Variants in HIP1 observed in about 807,000 individuals in gnomAD.
The protein encoded by HIP1 is huntingtin interacting protein 1, also known as huntingtin-interacting protein 1.
Under a neutral mutation model 147.6 loss-of-function variants are expected in HIP1, and 65 were observed. That is an observed-to-expected ratio of 0.44 (90% confidence interval 0.36 to 0.54). The LOEUF (loss-of-function observed/expected upper bound fraction) is 0.54, where lower values mean the gene tolerates loss of function less well. Among genes scored for constraint, HIP1 ranks in the 20% least tolerant of loss-of-function variants. The probability of loss-of-function intolerance (pLI) is 0.00; values close to 1 mark genes in which losing one functional copy is unlikely to be tolerated. For synonymous variants in HIP1, 479 were observed against 504.0 expected, an observed-to-expected ratio of 0.95 and a Z score of 0.67; for missense variants, 1,061 against 1,299.6, an observed-to-expected ratio of 0.82 and a Z score of 2.82.
chr7:75,730,585 C>T (rs572192243), intron 1 of HIP1, among the ~76,000 whole-genome samples: 3 of 151,972 alleles, frequency 2.0e-5, no homozygotes, highest in South Asian at 2.1e-4. Flanking sequence ...GTGATCCACC[C>T]GCCTCGGCCT....
At chr7:75,585,955 C>T (rs1210584800) in intron 5 of HIP1, among the ~76,000 whole-genome samples, 2 of 152,104 alleles carry the variant, frequency 1.3e-5, no homozygotes, top group African/African-American at 2.4e-5. Flanking sequence ...GCTGGGACTA[C>T]AGTTGCACAC....
In HIP1 at chr7:75,545,191, A is replaced by G. The variant is rs1554490774; in HGVS notation, c.2560-3T>C. Reference sequence around the variant, plus strand: ...AACTCTTTAGGGGATGCTGTACCCTAGGGAAATAAAAAATAGTAATAGCCA... The same window carrying G: ...AACTCTTTAGGGGATGCTGTACCCTGGGGAAATAAAAAATAGTAATAGCCA... On this transcript the variant is annotated splice_region_variant and splice_polypyrimidine_tract_variant and intron_variant, in intron 25 of 30. Coordinates refer to ENST00000336926, the MANE Select transcript of HIP1 (RefSeq NM_005338.7). 1.3e-6 allele frequency: 2 copies of G among 1,587,714 alleles called. No homozygotes were observed. The highest frequency in any genetic ancestry group is 4.5e-5 in the East Asian group (2 of 44,760).
intron 1 of HIP1, among the ~76,000 whole-genome samples, chr7:75,679,189 C>T (rs1355553916): frequency 6.6e-6 from 1 of 152,142 alleles, no homozygotes; most frequent in Non-Finnish European, 1.5e-5. Flanking sequence ...TTTGCTAGAT[C>T]AACAATACAT....
intron 7 of HIP1, among the ~76,000 whole-genome samples, chr7:75,579,975 G>C (rs1554498311): frequency 6.6e-6 from 1 of 152,220 alleles, no homozygotes; most frequent in East Asian, 1.9e-4. Flanking sequence ...CCTGCTGGGA[G>C]ATGTGGGGAG....
At chr7:75,646,882 C>T (rs1798817805) in intron 1 of HIP1, among the ~76,000 whole-genome samples, 1 of 152,108 alleles carries the variant, frequency 6.6e-6, no homozygotes, top group African/African-American at 2.4e-5. Flanking sequence ...AAGTGCTCTG[C>T]AATCATCAGG....
chr7:75,557,831 C>T, intron 15 of HIP1, 61 bp from the exon 16 acceptor site: 10 of 1,251,120 alleles, frequency 8.0e-6, no homozygotes, highest in Middle Eastern at 1.9e-4. Context: ...CATCCTCCTT[C>T]TAGGACAATC....
chr7:75,601,839 T>G (rs183409957), intron 1 of HIP1, among the ~76,000 whole-genome samples: 1 of 152,104 alleles, frequency 6.6e-6, no homozygotes, highest in African/African-American at 2.4e-5. Context: ...GGATATATGT[T>G]TGGCCACAAG....
At chr7:75,646,059 C>T (rs58664850) in intron 1 of HIP1, among the ~76,000 whole-genome samples, 5,100 of 152,186 alleles carry the variant, frequency 0.034, 75 homozygotes, top group East Asian at 0.063. Flanking sequence ...AACAAACCTG[C>T]ACATGTACCC....
In HIP1 at chr7:75,663,960, GTATA is replaced by G. The variant is rs1184339300; in HGVS notation, c.121-64717_121-64714del. Among the ~76,000 whole-genome samples the G allele has an allele frequency of 9.4e-5, 5 of 52,968 alleles. 1 individual carries two copies. Among genetic ancestry groups the G allele is most frequent in the Admixed American group, 4.9e-4 (2 of 4,090 alleles). 34.7% of individuals were successfully genotyped at this position (52,968 alleles called of 152,430 possible). ...TATATATATATATACACATATATGT[GTATA>G]TATATATACACATATATGTGTATAT... On this transcript the variant is annotated intron_variant, in intron 1 of 30. Coordinates refer to ENST00000336926, the MANE Select transcript of HIP1 (RefSeq NM_005338.7).
chr7:75,584,305 C>T (rs1247491542), intron 5 of HIP1, among the ~76,000 whole-genome samples: 4 of 151,978 alleles, frequency 2.6e-5, no homozygotes, highest in Non-Finnish European at 5.9e-5. Context: ...ACTGTGTTGC[C>T]CAGGCTGGTC....
chr7:75,545,732 T>C (rs1794536361), intron 25 of HIP1, among the ~76,000 whole-genome samples: 1 of 151,464 alleles, frequency 6.6e-6, no homozygotes, highest in African/African-American at 2.4e-5. Context: ...GATCACGAGG[T>C]CAAGAGATTG....
At chr7:75,670,481 G>C (rs1162933791) in intron 1 of HIP1, among the ~76,000 whole-genome samples, 1 of 152,064 alleles carries the variant, frequency 6.6e-6, no homozygotes, top group Non-Finnish European at 1.5e-5. Flanking sequence ...CTGTTTTTAA[G>C]TGTACCATTC....
intron 1 of HIP1, among the ~76,000 whole-genome samples, chr7:75,605,293 G>T (rs75572401): frequency 0.081 from 12,262 of 152,190 alleles, 1,104 homozygotes; most frequent in African/African-American, 0.22. Flanking sequence ...AGGCCTTCTG[G>T]GCAGAGGAAG....
At chr7:75,666,214 G>A (rs900638848) in intron 1 of HIP1, among the ~76,000 whole-genome samples, 5 of 151,610 alleles carry the variant, frequency 3.3e-5, no homozygotes, top group Admixed American at 2.0e-4. Flanking sequence ...TGTTGCCCAG[G>A]CCGGAGTGCA....
At chr7:75,633,577 C>T (rs186197285) in intron 1 of HIP1, among the ~76,000 whole-genome samples, 29 of 152,310 alleles carry the variant, frequency 1.9e-4, no homozygotes, top group Non-Finnish European at 2.6e-4. Flanking sequence ...CAAGCGTGAG[C>T]CACCGCGCAC....
chr7:75,558,208 A>C lies in HIP1; in HGVS notation c.1423T>G (p.Tyr475Asp). The change falls in exon 15 of 31, where the codon TAC (tyrosine) becomes GAC (aspartate). Residue 475 changes from tyrosine to aspartate, a missense_variant. This residue lies in a region of HIP1 where 810 missense variants were observed against 946.8 expected (regional missense o/e 0.86). Transcript: ENST00000336926. ...EQRYSKLKEK[Y>D]SELVQNHADL... ...GCGTGGTTCTGAACCAGCTCGCTGT[A>C]CTTCTCCTTTAGCTTGCTATATCGC... 6.2e-7 allele frequency: 1 copy of C among 1,614,186 alleles called. No individual in the cohort carries two copies. Among genetic ancestry groups the C allele is most frequent in the Non-Finnish European group, 8.5e-7 (1 of 1,180,022 alleles).
At chr7:75,565,046 T>C (rs1239568626) in intron 9 of HIP1, among the ~76,000 whole-genome samples, 1 of 152,168 alleles carries the variant, frequency 6.6e-6, no homozygotes, top group African/African-American at 2.4e-5. Context: ...ACTACATCTA[T>C]TCTGAGATGA....
chr7:75,604,627 T>C (rs1797145878), intron 1 of HIP1, among the ~76,000 whole-genome samples: 1 of 148,632 alleles, frequency 6.7e-6, no homozygotes, highest in African/African-American at 2.5e-5. Context: ...TGAGATTGCA[T>C]CACTATGCTC....
At chr7:75,613,910 G>T (rs781863661) in intron 1 of HIP1, among the ~76,000 whole-genome samples, 10 of 151,726 alleles carry the variant, frequency 6.6e-5, no homozygotes, top group Admixed American at 1.3e-4. Flanking sequence ...TTCTTTTGTA[G>T]AGATGGGGTT....
Sources: allele counts gnomAD v4.1 joint callset (sites outside exome capture counted in the v4.1 genomes callset), GRCh38; gene constraint gnomAD v4.1.1; regional missense constraint gnomAD v4.1.1; transcripts MANE v1.5; gene names NCBI Gene and HGNC (gene_info 2026-07-23, HGNC 2026-07-21).